The following GRK5 variants were observed in gnomAD, a reference collection of about 807,000 sequenced individuals.
GRK5 encodes g protein-coupled receptor kinase GRK5.
A neutral mutation model predicts 78.4 loss-of-function variants in GRK5; 40 were observed. The observed-to-expected ratio is 0.51, with a 90% confidence interval of 0.40 to 0.66. The LOEUF is 0.66. GRK5 is among the 30% of genes least tolerant of loss of function. The pLI is 0.00. For missense variants in GRK5, 598 were observed against 759.9 expected (o/e 0.79, Z 2.50); for synonymous variants, 289 against 296.8 (o/e 0.97, Z 0.27).
intron 2 of GRK5, among the ~76,000 whole-genome samples, chr10:119,362,445 G>A (rs183101138): frequency 6.6e-6 from 1 of 152,350 alleles, no homozygotes; most frequent in African/African-American, 2.4e-5. Context: ...TCGAGTTCCT[G>A]GAACCAGGGT....
At chr10:119,325,184 G>T (rs754175457) in intron 1 of GRK5, among the ~76,000 whole-genome samples, 59 of 152,234 alleles carry the variant, frequency 3.9e-4, no homozygotes, top group Non-Finnish European at 7.8e-4. Context: ...CCCCAGTTCT[G>T]TGCCTACTTT....
chr10:119,388,264 G>A (rs1210974735), intron 3 of GRK5, among the ~76,000 whole-genome samples: 1 of 152,052 alleles, frequency 6.6e-6, no homozygotes, highest in African/African-American at 2.4e-5. Context: ...ACCTGGCCAA[G>A]GAAAATTTTG....
rs1264960994 is a variant in GRK5, at chr10:119,459,529, T to C, written c.*4462T>C. 6.6e-6 allele frequency: 1 copy of C among 152,158 alleles called. No individual in the cohort carries two copies. The highest frequency in any genetic ancestry group is 1.5e-5 in the Non-Finnish European group (1 of 68,032). 9.4% of individuals were successfully genotyped at this position (152,158 alleles called of 1,614,324 possible). ...TTTGGTGTTGTTAAAATAATAAGAA[T>C]CCTTCTAGCATCCAAAGCTTTCTAA... On this transcript the variant is annotated 3_prime_UTR_variant, in exon 16 of 16. Coordinates refer to ENST00000392870, the MANE Select transcript of GRK5 (RefSeq NM_005308.3).
intron 1 of GRK5, among the ~76,000 whole-genome samples, chr10:119,260,928 C>T (rs1849373508): frequency 6.6e-6 from 1 of 152,138 alleles, no homozygotes; most frequent in Admixed American, 6.5e-5. Flanking sequence ...GGGCACACCT[C>T]CCAGACGGGG....
chr10:119,318,256 T>G (rs1850525189), intron 1 of GRK5, among the ~76,000 whole-genome samples: 1 of 152,252 alleles, frequency 6.6e-6, no homozygotes, highest in Non-Finnish European at 1.5e-5. Context: ...GAGGCAAGGT[T>G]CTTTCCTTTC....
intron 1 of GRK5, among the ~76,000 whole-genome samples, chr10:119,225,005 A>G (rs1218594308): frequency 6.6e-6 from 1 of 152,178 alleles, no homozygotes; most frequent in Non-Finnish European, 1.5e-5. Context: ...ACTTCAGAAT[A>G]AAATTTGATG....
At chr10:119,298,174 A>G (rs1052853510) in intron 1 of GRK5, among the ~76,000 whole-genome samples, 3 of 152,178 alleles carry the variant, frequency 2.0e-5, no homozygotes, top group African/African-American at 7.2e-5. Flanking sequence ...CTCATGATGC[A>G]GCTCTCTGAG....
intron 1 of GRK5, among the ~76,000 whole-genome samples, chr10:119,315,752 G>A (rs1047324147): frequency 2.0e-5 from 3 of 152,156 alleles, no homozygotes; most frequent in Admixed American, 1.3e-4. Flanking sequence ...TGAGTCATCG[G>A]CCTTTTGTGG....
intron 1 of GRK5, among the ~76,000 whole-genome samples, chr10:119,252,838 C>T (rs1589703111): frequency 6.6e-6 from 1 of 152,086 alleles, no homozygotes; most frequent in Non-Finnish European, 1.5e-5. Flanking sequence ...TTTTTCTTCC[C>T]TGAACAAATT....
At chr10:119,338,767 C>T (rs1850935589) in intron 2 of GRK5, among the ~76,000 whole-genome samples, 1 of 152,194 alleles carries the variant, frequency 6.6e-6, no homozygotes, top group African/African-American at 2.4e-5. Flanking sequence ...TTGGTGAATT[C>T]TTCCTTTAAG....
intron 1 of GRK5, among the ~76,000 whole-genome samples, chr10:119,261,441 C>T (rs1849397753): frequency 6.6e-6 from 1 of 150,468 alleles, no homozygotes; most frequent in Admixed American, 6.6e-5. Flanking sequence ...AGGGGCTCCT[C>T]ACATCCCAGA....
At chr10:119,425,703 A>AATAGCGTGCTCAC (rs1852665297) in intron 6 of GRK5, among the ~76,000 whole-genome samples, 1 of 152,224 alleles carries the variant, frequency 6.6e-6, no homozygotes, top group South Asian at 2.1e-4. Flanking sequence ...CCCGTGAGTG[A>AATAGCGTGCTCAC]GCAGGGCGCT....
chr10:119,292,112 CTT>C (rs1849984765), intron 1 of GRK5, among the ~76,000 whole-genome samples: 3 of 57,070 alleles, frequency 5.3e-5, no homozygotes, highest in Non-Finnish European at 1.1e-4. Flanking sequence ...TCCTTCTCCT[CTT>C]CCTCCCTCTC....
At chr10:119,270,986 G>T (rs1849573860) in intron 1 of GRK5, among the ~76,000 whole-genome samples, 1 of 152,362 alleles carries the variant, frequency 6.6e-6, no homozygotes, top group Non-Finnish European at 1.5e-5. Flanking sequence ...CAAGGCTGAA[G>T]CGATAGGATG....
chr10:119,370,196 T>TCCACAGAC (rs1251716811), intron 2 of GRK5, among the ~76,000 whole-genome samples: 2 of 151,894 alleles, frequency 1.3e-5, no homozygotes, highest in African/African-American at 2.4e-5. Flanking sequence ...TTTTCTTCCT[T>TCCACAGAC]CCACAGACCC....
intron 12 of GRK5, among the ~76,000 whole-genome samples, chr10:119,446,983 G>A (rs146893312): frequency 6.6e-6 from 1 of 152,376 alleles, no homozygotes; most frequent in East Asian, 1.9e-4. Context: ...TGCTCCTCTG[G>A]ATTTTAGCCT....
At chr10:119,343,644 G>T (rs551977513) in intron 2 of GRK5, among the ~76,000 whole-genome samples, 1 of 152,356 alleles carries the variant, frequency 6.6e-6, no homozygotes, top group African/African-American at 2.4e-5. Flanking sequence ...TTCTGCTTTG[G>T]TGGGCTCTAT....
rs912797755 is a variant in GRK5 at position 119,455,352 on chromosome 10, C to T, written c.*285C>T. The T allele has an allele frequency of 1.1e-5, 7 of 608,968 alleles. No individual in the cohort carries two copies. Among genetic ancestry groups the T allele is most frequent in the South Asian group, 3.2e-5 (2 of 61,866 alleles). The allele number at this position is 608,968 out of a possible 1,614,324, so 37.7% of individuals were successfully genotyped here. On this transcript the variant is annotated 3_prime_UTR_variant, in exon 16 of 16. Transcript: ENST00000392870. ...CGACAACTTGCACGTATTTTAATAG[C>T]GTCATAACTAGAACTGAATTTTGTC... is the stretch of plus-strand genomic sequence containing the variant.
intron 2 of GRK5, among the ~76,000 whole-genome samples, chr10:119,348,169 T>C (rs1266891803): frequency 6.6e-6 from 1 of 152,226 alleles, no homozygotes; most frequent in African/African-American, 2.4e-5. Flanking sequence ...AGTTTCTTTC[T>C]ACTGCTGGCC....
Sources: gnomAD v4.1 joint callset for allele counts (sites outside exome capture counted in the v4.1 genomes callset) on GRCh38, gnomAD v4.1.1 for gene constraint, MANE v1.5 for transcripts, NCBI Gene and HGNC (gene_info 2026-07-23, HGNC 2026-07-21) for gene names.